The following CDK12 variants were observed in gnomAD, a reference collection of about 807,000 sequenced individuals.
CDK12 encodes cyclin-dependent kinase 12.
Under a neutral mutation model 133.8 loss-of-function variants are expected in CDK12, and 17 were observed. The ratio of observed to expected loss-of-function variants is 0.13; its 90% CI spans 0.09 to 0.19. The LOEUF is 0.19. CDK12 is among the 10% of genes least tolerant of loss of function. The pLI is 1.00. For synonymous variants in CDK12, 694 were observed against 683.6 expected (o/e 1.02, Z -0.24); for missense variants, 1,508 against 1,818.7 (o/e 0.83, Z 3.11).
In CDK12 at chr17:39,461,953, C is replaced by T; in HGVS notation, c.-119C>T. ...GAGCCTGGGCTACCGTCCCTGCCCT[C>T]CCCACCCCCTTCCCGGGGCGCTTTG... On this transcript the variant is annotated 5_prime_UTR_variant, in exon 1 of 14. Transcript: ENST00000447079. 1 of 780,094 alleles carries T rather than the reference C, an allele frequency of 1.3e-6. No homozygotes were observed. The allele number at this position is 780,094 out of a possible 1,614,324, so 48.3% of individuals were successfully genotyped here. A position where few individuals can be genotyped will look rare whatever the true frequency, so the allele number is the denominator to read the frequency against.
At chr17:39,512,906 A>G (rs2053582758) in intron 8 of CDK12, among the ~76,000 whole-genome samples, 1 of 152,298 alleles carries the variant, frequency 6.6e-6, no homozygotes, top group South Asian at 2.1e-4. Context: ...ATTTAAACTT[A>G]TTTCATGTAT....
rs2054921487 is a variant in CDK12, at chr17:39,532,450, T to C, written c.*1134T>C. 1.3e-5 allele frequency: 3 copies of C among 230,914 alleles called. No homozygotes were observed. Among genetic ancestry groups the C allele is most frequent in the South Asian group, 1.8e-4 (1 of 5,510 alleles). 14.3% of individuals were successfully genotyped at this position (230,914 alleles called of 1,614,324 possible). A position where few individuals can be genotyped will look rare whatever the true frequency, so the allele number is the denominator to read the frequency against. ...GCATTTAGCATATTGTTTACACATATATTTTTATGTCAAAAAAAAAACAAA... is the reference window on the plus strand; with the variant it reads ...GCATTTAGCATATTGTTTACACATACATTTTTATGTCAAAAAAAAAACAAA... On this transcript the variant is annotated 3_prime_UTR_variant, in exon 14 of 14. Coordinates refer to ENST00000447079, the MANE Select transcript of CDK12 (RefSeq NM_016507.4).
At chr17:39,512,069 A>G (rs530212947) in intron 8 of CDK12, among the ~76,000 whole-genome samples, 1 of 152,108 alleles carries the variant, frequency 6.6e-6, no homozygotes, top group African/African-American at 2.4e-5. Context: ...TGTATTTTTT[A>G]GCATGATTTT....
intron 8 of CDK12, among the ~76,000 whole-genome samples, chr17:39,512,216 A>G (rs1351766262): frequency 1.3e-5 from 2 of 152,144 alleles, no homozygotes; most frequent in African/African-American, 4.8e-5. Context: ...CAGCCTCCTG[A>G]ATAGCTGTGA....
intron 6 of CDK12, among the ~76,000 whole-genome samples, chr17:39,505,820 G>A (rs928671447): frequency 1.3e-5 from 2 of 152,154 alleles, no homozygotes; most frequent in African/African-American, 4.8e-5. Flanking sequence ...TCTATAAAGC[G>A]TACTGCAGGA....
At chr17:39,463,200 G>T in intron 1 of CDK12, 83 bp downstream of exon 1, 2 of 1,224,652 alleles carry the variant, frequency 1.6e-6, no homozygotes, top group Non-Finnish European at 2.3e-6. Context: ...TTGTCTGGAA[G>T]CCCGCAGTGT....
chr17:39,564,460 T>C (rs2056503087), intron 3 of CDK12, among the ~76,000 whole-genome samples: 1 of 152,196 alleles, frequency 6.6e-6, no homozygotes, highest in African/African-American at 2.4e-5. Flanking sequence ...AGGCGGAGTT[T>C]GCTAAGGCCT....
Position 39,531,445 on chromosome 17 carries a change from T to A in CDK12, c.*129T>A. 1.1e-6 allele frequency: 1 copy of A among 894,756 alleles called. No homozygotes were observed. Among genetic ancestry groups the A allele is most frequent in the Non-Finnish European group, 1.5e-6 (1 of 651,780 alleles). The allele number at this position is 894,756 out of a possible 1,614,324, so 55.4% of individuals were successfully genotyped here. A position where few individuals can be genotyped will look rare whatever the true frequency, so the allele number is the denominator to read the frequency against. On this transcript the variant is annotated 3_prime_UTR_variant, in exon 14 of 14. Coordinates refer to ENST00000447079, the MANE Select transcript of CDK12 (RefSeq NM_016507.4). ...CATTTGGCTACTGCAAAGCTGTCCG[T>A]TGTATTCCTTGCTCACTTGCTACTA...
chr17:39,481,329 CTTTTT>C (rs569177170), intron 2 of CDK12, among the ~76,000 whole-genome samples: 3 of 135,524 alleles, frequency 2.2e-5, no homozygotes, highest in African/African-American at 2.7e-5. Context: ...TCTTCTTTCT[CTTTTT>C]TTTTTTTTTT....
intron 11 of CDK12, 21 bp from the exon 12 acceptor site, chr17:39,524,653 C>A: frequency 1.2e-6 from 2 of 1,607,388 alleles, no homozygotes; most frequent in South Asian, 2.2e-5. Context: ...CATATTTCCC[C>A]TTTGCTTTGT....
chr17:39,510,444 T>C lies in CDK12; in HGVS notation c.2666+683T>C, dbSNP rs1432582155. ...GCCAAGAATCTTTTTTATTCCTAGATGTTCTAGTATTCTGCAAGTTGCAAC... is the reference window on the plus strand; with the variant it reads ...GCCAAGAATCTTTTTTATTCCTAGACGTTCTAGTATTCTGCAAGTTGCAAC... On this transcript the variant is annotated intron_variant, in intron 7 of 13. Transcript: ENST00000447079. Among the ~76,000 whole-genome samples, 25 of 151,760 alleles carry C rather than the reference T, an allele frequency of 1.6e-4. 1 individual carries two copies.
intron 1 of CDK12, among the ~76,000 whole-genome samples, chr17:39,470,042 A>G (rs1381356681): frequency 6.6e-6 from 1 of 152,206 alleles, no homozygotes; most frequent in Non-Finnish European, 1.5e-5. Flanking sequence ...TGGGAAAAAA[A>G]TAGTGACCCA....
intron 10 of CDK12, among the ~76,000 whole-genome samples, chr17:39,519,755 T>C (rs1276424769): frequency 6.6e-6 from 1 of 151,970 alleles, no homozygotes. Flanking sequence ...TGCACCCAGC[T>C]AATTAAAAAT....
chr17:39,487,124 C>A (rs906941370), intron 2 of CDK12, among the ~76,000 whole-genome samples: 4 of 152,186 alleles, frequency 2.6e-5, no homozygotes, highest in Admixed American at 6.6e-5. Context: ...TCATCTCTCC[C>A]AGTATTTCAA....
chr17:39,521,772 A>G (rs2054186863), intron 11 of CDK12, among the ~76,000 whole-genome samples: 1 of 151,692 alleles, frequency 6.6e-6, no homozygotes, highest in South Asian at 2.1e-4. Context: ...ATGTTGGCCA[A>G]GGTGGTCTCA....
At chr17:39,501,060 C>T (rs140678480) in intron 5 of CDK12, among the ~76,000 whole-genome samples, 190 bp from the exon 6 acceptor site, 6 of 152,228 alleles carry the variant, frequency 3.9e-5, no homozygotes, top group African/African-American at 1.4e-4. Context: ...CAAATATTAG[C>T]TCCGTTGTTT....
downstream of CDK12, chr17:39,566,867 C>T (rs1420365338): frequency 6.6e-6 from 1 of 152,428 alleles, no homozygotes; most frequent in African/African-American, 2.4e-5. Flanking sequence ...AAGACCAGCA[C>T]AAAGGAGGAA....
intron 2 of CDK12, among the ~76,000 whole-genome samples, chr17:39,480,513 C>A (rs1198688695): frequency 1.3e-5 from 2 of 152,018 alleles, no homozygotes; most frequent in Non-Finnish European, 2.9e-5. Flanking sequence ...GCGATCTCAG[C>A]TCACTGCAAC....
intron 2 of CDK12, among the ~76,000 whole-genome samples, chr17:39,477,297 G>A (rs369520471): frequency 3.3e-5 from 5 of 150,562 alleles, no homozygotes; most frequent in Non-Finnish European, 5.9e-5. Flanking sequence ...GTGTAGTGGC[G>A]CGATCTTGGC....
Sources: gnomAD v4.1 joint callset for allele counts (sites outside exome capture counted in the v4.1 genomes callset) on GRCh38, gnomAD v4.1.1 for gene constraint, MANE v1.5 for transcripts, NCBI Gene and HGNC (gene_info 2026-07-23, HGNC 2026-07-21) for gene names.